The following GORASP2 variants were observed in gnomAD, a reference collection of about 807,000 sequenced individuals.
The protein encoded by GORASP2 is golgi reassembly stacking protein 2, also known as Golgi reassembly-stacking protein 2.
GORASP2 carries 22 observed loss-of-function variants against 45.7 expected under a neutral mutation model. The observed-to-expected ratio is 0.48, with a 90% CI of 0.34 to 0.69. The LOEUF (loss-of-function observed/expected upper bound fraction) is 0.69. GORASP2 is among the 30% of genes least tolerant of loss of function. The probability of loss-of-function intolerance (pLI) is 0.01; values close to 1 mark genes in which losing one functional copy is unlikely to be tolerated. For synonymous variants in GORASP2, 221 were observed against 215.6 expected (o/e 1.02, Z -0.22); for missense variants, 491 against 562.7 (o/e 0.87, Z 1.29).
At chr2:170,929,569 G>A in intron 1 of GORASP2, 166 bp downstream of exon 1, 1 of 592,692 alleles carries the variant, frequency 1.7e-6, no homozygotes, top group South Asian at 2.3e-5. Flanking sequence ...GAGGCCGCTC[G>A]CATCCCACCT....
intron 1 of GORASP2, chr2:170,929,808 C>T (rs1037377979): frequency 2.1e-6 from 1 of 473,196 alleles, no homozygotes. Flanking sequence ...AGCCTTTGCG[C>T]TTTCCTAGGA....
rs763591597 is a variant in GORASP2 at position 170,950,192 on chromosome 2, A to T, written c.349-12A>T. ...TATATTAATTTTAGGGTGTGTGTTT[A>T]TGTCATTCTAGGAGGTGGAATCAAA... On this transcript the variant is annotated splice_polypyrimidine_tract_variant and intron_variant, in intron 3 of 9. Transcript: ENST00000234160. The T allele has an allele frequency of 5.9e-6, 8 of 1,358,842 alleles. No individual in the cohort carries two copies. The highest frequency in any genetic ancestry group is 8.3e-6 in the Non-Finnish European group (8 of 960,698). The allele number at this position is 1,358,842 out of a possible 1,614,324, so 84.2% of individuals were successfully genotyped here.
chr2:170,960,210 A>G (rs1704524571), intron 7 of GORASP2, among the ~76,000 whole-genome samples: 1 of 152,040 alleles, frequency 6.6e-6, no homozygotes, highest in Non-Finnish European at 1.5e-5. Flanking sequence ...AAAGGTTCTG[A>G]TTTCTTCATG....
chr2:170,951,512 T>C (rs568159082), intron 5 of GORASP2, 54 bp downstream of exon 5: 3 of 1,326,734 alleles, frequency 2.3e-6, no homozygotes, highest in South Asian at 1.4e-5. Context: ...CAGTCAGATA[T>C]GTTGCAGACA....
intron 1 of GORASP2, among the ~76,000 whole-genome samples, chr2:170,946,178 A>AT (rs1553597600): frequency 6.6e-6 from 1 of 151,874 alleles, no homozygotes; most frequent in Admixed American, 6.6e-5. Flanking sequence ...TACCTGGCTA[A>AT]TTTTTTTGTA....
In GORASP2 at chr2:170,929,268, G is replaced by T. The variant is rs746114368; in HGVS notation, c.-73G>T. The T allele has an allele frequency of 1.3e-5, 15 of 1,198,606 alleles. No individual in the cohort carries two copies. The highest frequency in any genetic ancestry group is 1.6e-5 in the Non-Finnish European group (15 of 925,978). 74.2% of individuals were successfully genotyped at this position (1,198,606 alleles called of 1,614,324 possible). On this transcript the variant is annotated 5_prime_UTR_variant, in exon 1 of 10. Coordinates refer to ENST00000234160, the MANE Select transcript of GORASP2 (RefSeq NM_015530.5). ...GCCACGTCCCAAGTGCTACGCGGAG[G>T]ATTAGAGCAGGCGGTGCGCTGGGGG...
chr2:170,947,784 A>G (rs943515610), intron 1 of GORASP2, among the ~76,000 whole-genome samples: 1 of 152,128 alleles, frequency 6.6e-6, no homozygotes, highest in African/African-American at 2.4e-5. Context: ...AAAAAAGGAG[A>G]AAGTGGTGCA....
chr2:170,945,057 A>G (rs1470096330), intron 1 of GORASP2, among the ~76,000 whole-genome samples: 1 of 152,152 alleles, frequency 6.6e-6, no homozygotes, highest in South Asian at 2.1e-4. Context: ...GGCAGCCACT[A>G]CTTTACCTTT....
At chr2:170,945,442 G>A (rs1704161061) in intron 1 of GORASP2, among the ~76,000 whole-genome samples, 1 of 149,522 alleles carries the variant, frequency 6.7e-6, no homozygotes, top group South Asian at 2.1e-4. Flanking sequence ...GAGGCCAGGA[G>A]TAAGCTATGG....
Position 170,948,341 on chromosome 2 carries a change from T to G in GORASP2, c.64-9T>G. On this transcript the variant is annotated splice_polypyrimidine_tract_variant and intron_variant, in intron 1 of 9. Coordinates refer to ENST00000234160, the MANE Select transcript of GORASP2 (RefSeq NM_015530.5). ...ACATTTTTTATTTTTGTCGTTTTTG[T>G]TTCCGCAGGTACAAGAAAATTCCCC... is the stretch of plus-strand genomic sequence containing the variant. 1 of 1,543,772 alleles carries G rather than the reference T, an allele frequency of 6.5e-7. No homozygotes were observed. Among genetic ancestry groups the G allele is most frequent in the South Asian group, 1.2e-5 (1 of 86,674 alleles).
intron 1 of GORASP2, chr2:170,929,674 G>T: frequency 1.6e-6 from 1 of 630,622 alleles, no homozygotes; most frequent in Non-Finnish European, 3.0e-6. Context: ...GCGGCCCTGG[G>T]AAGGGGGGAC....
chr2:170,951,930 G>C (rs1704309195), intron 5 of GORASP2, among the ~76,000 whole-genome samples: 2 of 152,308 alleles, frequency 1.3e-5, no homozygotes, highest in Middle Eastern at 6.8e-3. Flanking sequence ...AGAAAAGTAA[G>C]ATAGATGTGT....
At chr2:170,929,860 G>A (rs992576139) in intron 1 of GORASP2, 1 of 448,644 alleles carries the variant, frequency 2.2e-6, no homozygotes, top group Non-Finnish European at 4.6e-6. Flanking sequence ...GCCTGCGGCG[G>A]CAGGTGTTAA....
intron 1 of GORASP2, among the ~76,000 whole-genome samples, chr2:170,932,444 A>T (rs1269933551): frequency 6.6e-6 from 1 of 152,116 alleles, no homozygotes; most frequent in Non-Finnish European, 1.5e-5. Context: ...CTGGTGTTGA[A>T]CATTTGGTTA....
rs1381594909 is a variant in GORASP2, at chr2:170,966,506, T to G, written c.*376T>G. On this transcript the variant is annotated 3_prime_UTR_variant, in exon 10 of 10. Transcript: ENST00000234160. ...AAATGAAATATTCTATGCCTAATAC[T>G]CACACGCAACATTTCTTGTACTTTG... is the stretch of plus-strand genomic sequence containing the variant. 1 of 266,906 alleles carries G rather than the reference T, an allele frequency of 3.7e-6. No individual in the cohort carries two copies. Among genetic ancestry groups the G allele is most frequent in the African/African-American group, 2.3e-5 (1 of 43,914 alleles). 16.5% of individuals were successfully genotyped at this position (266,906 alleles called of 1,614,324 possible). A position where few individuals can be genotyped will look rare whatever the true frequency, so the allele number is the denominator to read the frequency against.
chr2:170,957,707 C>A (rs1440799177), intron 7 of GORASP2, among the ~76,000 whole-genome samples: 1 of 152,200 alleles, frequency 6.6e-6, no homozygotes, highest in African/African-American at 2.4e-5. Context: ...TTAAAGTATA[C>A]AATCCAGTGT....
At chr2:170,958,617 C>T (rs913929479) in intron 7 of GORASP2, among the ~76,000 whole-genome samples, 3 of 146,124 alleles carry the variant, frequency 2.1e-5, no homozygotes, top group Admixed American at 2.0e-4. Context: ...CTGAATTGTT[C>T]ATATTTGTTT....
At position 170,929,555 on chromosome 2, in the gene GORASP2, T is replaced by G. The variant is rs923980654; in HGVS notation, c.63+152T>G. ...GGGCGCTGCCTTGGTCGAGGCTGGT[T>G]CCGGAGGCCGCTCGCATCCCACCTC... On this transcript the variant is annotated intron_variant, in intron 1 of 9. Transcript: ENST00000234160. The G allele has an allele frequency of 8.5e-5, 55 of 646,430 alleles. No homozygotes were observed. The African/African-American group carries it at 9.7e-4, about 11-fold the overall frequency. 40.0% of individuals were successfully genotyped at this position (646,430 alleles called of 1,614,324 possible).
At chr2:170,929,733 A>C (rs1559304888) in intron 1 of GORASP2, 2 of 548,208 alleles carry the variant, frequency 3.6e-6, no homozygotes, top group Non-Finnish European at 7.2e-6. Context: ...ACCCCCCCTC[A>C]TTTTTAGCTT....
Sources: gnomAD v4.1 joint callset for allele counts (sites outside exome capture counted in the v4.1 genomes callset) on GRCh38, gnomAD v4.1.1 for gene constraint, MANE v1.5 for transcripts, NCBI Gene and HGNC (gene_info 2026-07-23, HGNC 2026-07-21) for gene names.